CA10: variants seen among roughly 807,000 people sequenced by gnomAD.
CA10 encodes carbonic anhydrase 10 (inactive).
Under a neutral mutation model 44.2 loss-of-function variants are expected in CA10, and 14 were observed. That is an observed-to-expected ratio of 0.32 (90% CI 0.21 to 0.50). The LOEUF is 0.50. Among genes scored for constraint, CA10 ranks in the 20% least tolerant of loss-of-function variants. The pLI is 0.99. For missense variants in CA10, 350 were observed against 409.7 expected (o/e 0.85, Z 1.26); for synonymous variants, 159 against 141.6 (o/e 1.12, Z -0.87).
intron 3 of CA10, among the ~76,000 whole-genome samples, chr17:51,884,769 G>A (rs1000128169): frequency 6.6e-6 from 1 of 152,150 alleles, no homozygotes; most frequent in Non-Finnish European, 1.5e-5. Flanking sequence ...TGGCATGGTT[G>A]GTTCTTTCTG....
At chr17:51,813,795 G>A (rs1232940499) in intron 3 of CA10, among the ~76,000 whole-genome samples, 1 of 152,126 alleles carries the variant, frequency 6.6e-6, no homozygotes, top group Non-Finnish European at 1.5e-5. Context: ...TGGGAAGCAG[G>A]TATTATAAAA....
intron 1 of CA10, among the ~76,000 whole-genome samples, chr17:52,144,405 C>T (rs899696907): frequency 1.3e-5 from 2 of 151,846 alleles, no homozygotes; most frequent in Admixed American, 1.3e-4. Flanking sequence ...CTGTCAAGGC[C>T]GAATATTTAT....
intron 1 of CA10, among the ~76,000 whole-genome samples, chr17:52,096,846 G>T (rs950167889): frequency 1.3e-5 from 2 of 152,134 alleles, no homozygotes; most frequent in Non-Finnish European, 2.9e-5. Context: ...TATCATTAAA[G>T]TTATAGAAAA....
chr17:51,851,611 CT>C (rs1296606054), intron 3 of CA10, among the ~76,000 whole-genome samples: 1 of 152,070 alleles, frequency 6.6e-6, no homozygotes, highest in Non-Finnish European at 1.5e-5. Context: ...ATTGAAGCAA[CT>C]TATTTTAGGG....
At chr17:51,787,684 G>A (rs1472340526) in intron 3 of CA10, among the ~76,000 whole-genome samples, 3 of 152,002 alleles carry the variant, frequency 2.0e-5, no homozygotes, top group African/African-American at 7.3e-5. Context: ...TTTTAGTAGA[G>A]ATGGGGTTTC....
intron 2 of CA10, among the ~76,000 whole-genome samples, chr17:51,989,797 C>G (rs1189359010): frequency 6.6e-6 from 1 of 152,128 alleles, no homozygotes; most frequent in Non-Finnish European, 1.5e-5. Flanking sequence ...CCAGCCCAAT[C>G]ATTTTCTAGA....
intron 3 of CA10, among the ~76,000 whole-genome samples, chr17:51,820,652 A>G (rs1262382369): frequency 1.3e-5 from 2 of 151,970 alleles, no homozygotes; most frequent in Non-Finnish European, 2.9e-5. Context: ...GAGTCAGAAG[A>G]CCTAAGTTTG....
At chr17:51,801,274 G>A (rs1420479289) in intron 3 of CA10, among the ~76,000 whole-genome samples, 3 of 152,084 alleles carry the variant, frequency 2.0e-5, no homozygotes, top group Non-Finnish European at 4.4e-5. Context: ...GTTGACTAAC[G>A]GACAATAGGA....
chr17:51,885,098 C>T (rs1980540223), intron 3 of CA10, among the ~76,000 whole-genome samples: 1 of 152,202 alleles, frequency 6.6e-6, no homozygotes, highest in Admixed American at 6.5e-5. Flanking sequence ...TTGGGAGAGA[C>T]AATTCAACCC....
chr17:51,707,562 T>C (rs1915798900), intron 4 of CA10, among the ~76,000 whole-genome samples: 1 of 152,210 alleles, frequency 6.6e-6, no homozygotes. Flanking sequence ...TCTGCCATTA[T>C]TCATCCACTT....
At chr17:52,020,196 T>A (rs1192610138) in intron 2 of CA10, among the ~76,000 whole-genome samples, 1 of 151,982 alleles carries the variant, frequency 6.6e-6, no homozygotes, top group Non-Finnish European at 1.5e-5. Flanking sequence ...CTACATTACC[T>A]CATATTAAAC....
intron 3 of CA10, among the ~76,000 whole-genome samples, chr17:51,834,049 C>CT (rs1280231934): frequency 6.6e-6 from 1 of 152,170 alleles, no homozygotes; most frequent in African/African-American, 2.4e-5. Context: ...TATTAAGTCA[C>CT]TGTCTTTTTG....
chr17:51,915,179 C>T (rs1449069418), intron 3 of CA10, among the ~76,000 whole-genome samples: 1 of 152,172 alleles, frequency 6.6e-6, no homozygotes, highest in African/African-American at 2.4e-5. Context: ...TCTTTATGCA[C>T]ATCTTATGCC....
chr17:51,830,942 A>G (rs1370832382), intron 3 of CA10, among the ~76,000 whole-genome samples: 1 of 152,174 alleles, frequency 6.6e-6, no homozygotes, highest in Non-Finnish European at 1.5e-5. Flanking sequence ...TATTTTTGCC[A>G]TTGAAAGTAA....
At chr17:51,637,180 C>G (rs531529894) in intron 6 of CA10, among the ~76,000 whole-genome samples, 6 of 152,236 alleles carry the variant, frequency 3.9e-5, no homozygotes, top group African/African-American at 1.4e-4. Context: ...TTCAAAAATA[C>G]CATACTTAGT....
chr17:51,889,109 C>T (rs1190391058), intron 3 of CA10, among the ~76,000 whole-genome samples: 4 of 152,048 alleles, frequency 2.6e-5, no homozygotes, highest in Admixed American at 6.6e-5. Context: ...AGGGAGAGTC[C>T]CACAAGTGGG....
chr17:52,098,924 A>C (rs901821773), intron 1 of CA10, among the ~76,000 whole-genome samples: 1 of 152,206 alleles, frequency 6.6e-6, no homozygotes, highest in African/African-American at 2.4e-5. Flanking sequence ...TCATTGCTTT[A>C]GGTACTGAGA....
At chr17:52,085,576 T>C (rs1055140665) in intron 1 of CA10, among the ~76,000 whole-genome samples, 1 of 152,218 alleles carries the variant, frequency 6.6e-6, no homozygotes, top group South Asian at 2.1e-4. Flanking sequence ...ACAAACTGTA[T>C]GGTGTGGTTA....
chr17:51,742,920 T>C (rs772322514), intron 4 of CA10, among the ~76,000 whole-genome samples: 2 of 152,360 alleles, frequency 1.3e-5, no homozygotes, highest in African/African-American at 2.4e-5. Context: ...GAGAGCTATT[T>C]CATAATCCCC....
Sources: gnomAD v4.1 joint callset for allele counts (sites outside exome capture counted in the v4.1 genomes callset) on GRCh38, gnomAD v4.1.1 for gene constraint, MANE v1.5 for transcripts, NCBI Gene and HGNC (gene_info 2026-07-23, HGNC 2026-07-21) for gene names.